Variants in TENM2 observed in about 807,000 individuals in gnomAD.
TENM2 encodes the protein teneurin transmembrane protein 2, also known as teneurin-2.
Under a neutral mutation model 245.2 loss-of-function variants are expected in TENM2, and 52 were observed. The observed-to-expected ratio is 0.21, with a 90% CI of 0.17 to 0.27. The LOEUF is 0.27. Among genes scored for constraint, TENM2 ranks in the 10% least tolerant of loss-of-function variants. The pLI is 1.00. For missense variants in TENM2, 3,046 were observed against 3,666.8 expected (o/e 0.83, Z 4.37); for synonymous variants, 1,363 against 1,438.9 (o/e 0.95, Z 1.19).
At chr5:167,552,823 A>G (rs4869054) in intron 2 of TENM2, among the ~76,000 whole-genome samples, 107,191 of 152,118 alleles carry the variant, frequency 0.7, 38,058 homozygotes, top group East Asian at 0.76. Context: ...ATTGCCCCTC[A>G]TGGTTGCATG....
At chr5:167,884,851 G>A (rs2151430117) in intron 3 of TENM2, among the ~76,000 whole-genome samples, 1 of 152,220 alleles carries the variant, frequency 6.6e-6, no homozygotes, top group South Asian at 2.1e-4. Flanking sequence ...TACAGTGTCT[G>A]TACCACTGTA....
At chr5:167,284,552 TATTAA>T (rs528137938), upstream of TENM2, among the ~76,000 whole-genome samples, 319 of 152,356 alleles carry the variant, frequency 2.1e-3, no homozygotes, top group African/African-American at 6.2e-3. Context: ...TTTCCAAATC[TATTAA>T]ATTAAACAGC....
chr5:168,039,004 G>A (rs1264193183), intron 5 of TENM2, among the ~76,000 whole-genome samples: 2 of 152,048 alleles, frequency 1.3e-5, no homozygotes, highest in African/African-American at 4.8e-5. Context: ...CTCCTCCCTT[G>A]CCTGCAGCCA....
intron 2 of TENM2, among the ~76,000 whole-genome samples, chr5:167,482,768 G>A (rs968748609): frequency 9.2e-5 from 14 of 152,186 alleles, no homozygotes; most frequent in African/African-American, 3.4e-4. Context: ...AACACCAGTA[G>A]AACCTCTCTC....
At chr5:167,769,332 TG>T (rs1477392456) in intron 2 of TENM2, among the ~76,000 whole-genome samples, 1 of 152,220 alleles carries the variant, frequency 6.6e-6, no homozygotes, top group African/African-American at 2.4e-5. Flanking sequence ...TCACTCACTC[TG>T]GTCATTTTAT....
chr5:167,749,520 C>A (rs985762915), intron 2 of TENM2, among the ~76,000 whole-genome samples: 29 of 152,086 alleles, frequency 1.9e-4, no homozygotes, highest in Non-Finnish European at 3.7e-4. Context: ...CACCTATAAT[C>A]CCAGCTACTC....
chr5:167,532,270 C>T (rs1771553460), intron 2 of TENM2, among the ~76,000 whole-genome samples: 1 of 152,002 alleles, frequency 6.6e-6, no homozygotes, highest in Non-Finnish European at 1.5e-5. Context: ...TTTATATATA[C>T]AACTCTCTGT....
At chr5:167,659,281 G>A (rs1290035084) in intron 2 of TENM2, among the ~76,000 whole-genome samples, 1 of 152,174 alleles carries the variant, frequency 6.6e-6, no homozygotes, top group Non-Finnish European at 1.5e-5. Context: ...ATTTGTTGTT[G>A]TATTGAACTC....
At chr5:167,306,012 C>T (rs1215919660) in intron 1 of TENM2, among the ~76,000 whole-genome samples, 3 of 151,994 alleles carry the variant, frequency 2.0e-5, no homozygotes, top group Admixed American at 6.6e-5. Context: ...CAGTGGGAAA[C>T]AAATGCAAAA....
At chr5:167,487,066 T>C (rs1305691428) in intron 2 of TENM2, among the ~76,000 whole-genome samples, 1 of 152,226 alleles carries the variant, frequency 6.6e-6, no homozygotes, top group Non-Finnish European at 1.5e-5. Context: ...AGACTTCTGA[T>C]AGGCGGATCT....
chr5:168,069,347 CA>C (rs1239754038), intron 7 of TENM2, among the ~76,000 whole-genome samples: 2 of 152,172 alleles, frequency 1.3e-5, no homozygotes, highest in Non-Finnish European at 2.9e-5. Context: ...AAGATCTTTG[CA>C]AAAATTAATG....
At chr5:167,558,259 G>A (rs1309785182) in intron 2 of TENM2, among the ~76,000 whole-genome samples, 1 of 152,218 alleles carries the variant, frequency 6.6e-6, no homozygotes, top group South Asian at 2.1e-4. Flanking sequence ...ACACTCCCAA[G>A]GCTGAGGTAG....
rs141951378 is a variant in TENM2 at position 167,492,079 on chromosome 5, A to G, written c.502+116606A>G. ...TCTTCAATGTAAAACTTATTGCTCT[A>G]TGTTGAGCAAGAGAGAAGTTGTTGA... On this transcript the variant is annotated intron_variant, in intron 2 of 28. Coordinates refer to ENST00000518659, the Ensembl canonical transcript of TENM2. 4.0e-3 allele frequency among the ~76,000 whole-genome samples: 615 copies of G among 152,304 alleles called. 2 individuals are homozygous for G. The highest frequency in any genetic ancestry group is 0.012 in the Admixed American group (191 of 15,298).
chr5:167,232,959 T>C, the TENM2 span, among the ~76,000 whole-genome samples: 2 of 152,220 alleles, frequency 1.3e-5, no homozygotes, highest in African/African-American at 2.4e-5. Context: ...GTGCTGGAGA[T>C]ACAAAGTACT....
chr5:168,250,208 A>G (rs1766995369), intron 27 of TENM2, among the ~76,000 whole-genome samples: 2 of 151,660 alleles, frequency 1.3e-5, no homozygotes, highest in Non-Finnish European at 2.9e-5. Flanking sequence ...GGGTAGGTGG[A>G]TGGGTGGGTG....
At chr5:168,027,285 T>C (rs10475865) in intron 5 of TENM2, among the ~76,000 whole-genome samples, 111 of 152,326 alleles carry the variant, frequency 7.3e-4, no homozygotes, top group African/African-American at 2.1e-3. Context: ...GAGTCTGTTC[T>C]AAGTGCACAG....
chr5:167,153,827 C>T, the TENM2 span, among the ~76,000 whole-genome samples: 1 of 151,912 alleles, frequency 6.6e-6, no homozygotes, highest in East Asian at 1.9e-4. Flanking sequence ...ACAGAAAAAC[C>T]TTTGTCACAA....
chr5:167,082,004 A>G, the TENM2 span, among the ~76,000 whole-genome samples: 1 of 152,180 alleles, frequency 6.6e-6, no homozygotes, highest in Non-Finnish European at 1.5e-5. Flanking sequence ...CCTGGGTTTA[A>G]TCTGTGACTG....
At chr5:168,241,263 T>C (rs1481077903) in intron 25 of TENM2, among the ~76,000 whole-genome samples, 1 of 52,796 alleles carries the variant, frequency 1.9e-5, no homozygotes, top group Admixed American at 2.3e-4. Flanking sequence ...CTTTTTGTTC[T>C]TTTTTTTTTT....
Sources: gnomAD v4.1 joint callset for allele counts (sites outside exome capture counted in the v4.1 genomes callset) on GRCh38, gnomAD v4.1.1 for gene constraint, MANE v1.5 for transcripts, NCBI Gene and HGNC (gene_info 2026-07-23, HGNC 2026-07-21) for gene names.